The following ZNF469 variants were observed in gnomAD, a reference collection of about 807,000 sequenced individuals.
ZNF469 encodes zinc finger protein 469.
A neutral mutation model predicts 1.0 loss-of-function variants in ZNF469; 1 was observed. That is an observed-to-expected ratio of 1.00 (90% CI 0.35 to 4.73). ZNF469 has a LOEUF of 4.73. ZNF469 is among the 30% of genes most tolerant of loss of function. The probability of loss-of-function intolerance (pLI) is 0.16; values close to 1 mark genes in which losing one functional copy is unlikely to be tolerated. For synonymous variants in ZNF469, 2,703 were observed against 2,363.4 expected (o/e 1.14, Z -4.17); for missense variants, 6,100 against 5,356.3 (o/e 1.14, Z -4.33).
At chr16:88,171,140 G>A in the ZNF469 span, among the ~76,000 whole-genome samples, 1 of 152,354 alleles carries the variant, frequency 6.6e-6, no homozygotes, top group East Asian at 1.9e-4. Flanking sequence ...TAGCAAGGTA[G>A]GCATTTACCT....
At chr16:88,186,811 T>C in the ZNF469 span, among the ~76,000 whole-genome samples, 1 of 152,200 alleles carries the variant, frequency 6.6e-6, no homozygotes, top group Admixed American at 6.5e-5. Context: ...TCCAGGGTTC[T>C]GGCGGGGCGG....
At chr16:88,252,482 C>T in the ZNF469 span, among the ~76,000 whole-genome samples, 2 of 150,562 alleles carry the variant, frequency 1.3e-5, no homozygotes, top group African/African-American at 2.4e-5. Context: ...TGACAGTCAC[C>T]TCTCCTCTGG....
the ZNF469 span, among the ~76,000 whole-genome samples, chr16:88,103,568 T>TG: frequency 1.3e-5 from 2 of 152,154 alleles, no homozygotes; most frequent in East Asian, 1.9e-4. Context: ...CCTAATCCCT[T>TG]GGGGGGGATC....
Position 88,438,350 on chromosome 16 carries a change from C to T in ZNF469, c.10880C>T (p.Pro3627Leu), listed in dbSNP as rs770544807. The change falls in exon 3 of 3, where the codon CCG becomes CTG. Residue 3627 changes from proline (P) to leucine (L), a missense_variant. Transcript: ENST00000565624. ...GTGTTCTCAGGGAAACGCAGGGCCCCGGGTGCCCGTGGCAGGTGTGCCCCT... is the reference window on the plus strand; with the variant it reads ...GTGTTCTCAGGGAAACGCAGGGCCCTGGGTGCCCGTGGCAGGTGTGCCCCT... ...PLVFSGKRRA[P>L]GARGRCAPDH... is the part of the protein sequence containing the mutation. 25 of 1,550,068 alleles carry T rather than the reference C, an allele frequency of 1.6e-5. No individual in the cohort carries two copies. The highest frequency in any genetic ancestry group is 6.8e-5 in the African/African-American group (5 of 73,054).
chr16:88,366,049 A>G, the ZNF469 span, among the ~76,000 whole-genome samples: 2 of 152,176 alleles, frequency 1.3e-5, no homozygotes, highest in Admixed American at 6.5e-5. Context: ...GCCCTGGTAT[A>G]AAGTAAATGC....
chr16:88,272,157 G>C, the ZNF469 span, among the ~76,000 whole-genome samples: 1 of 134,556 alleles, frequency 7.4e-6, no homozygotes, highest in Admixed American at 7.7e-5. Flanking sequence ...TAGACGAGTG[G>C]GTGGGTAGAT....
At chr16:88,316,736 A>G in the ZNF469 span, among the ~76,000 whole-genome samples, 1 of 151,690 alleles carries the variant, frequency 6.6e-6, no homozygotes, top group African/African-American at 2.4e-5. Context: ...TAGTACAGAC[A>G]GGGTTTCACC....
chr16:88,430,097 C>T lies in ZNF469; in HGVS notation c.2627C>T (p.Pro876Leu). Residue 876 changes from proline to leucine, a missense_variant, in exon 3 of 3, where the codon CCC (proline) becomes CTC (leucine). Pro to Leu is a moderately conservative substitution (Grantham distance 98). Coordinates refer to ENST00000565624, the MANE Select transcript of ZNF469 (RefSeq NM_001367624.2). ...TTCGCGGACGAGGAGCCTTCCGGCCCCAGAGGTCCCAGCTCCGGACACCCC... is the reference window on the plus strand; with the variant it reads ...TTCGCGGACGAGGAGCCTTCCGGCCTCAGAGGTCCCAGCTCCGGACACCCC... ...DVFADEEPSG[P>L]RGPSSGHPLK... 6.5e-7 allele frequency: 1 copy of T among 1,542,412 alleles called. No individual in the cohort carries two copies. Among genetic ancestry groups the T allele is most frequent in the Non-Finnish European group, 8.7e-7 (1 of 1,146,918 alleles).
chr16:88,373,061 C>G, the ZNF469 span, among the ~76,000 whole-genome samples: 4 of 152,236 alleles, frequency 2.6e-5, no homozygotes, highest in Admixed American at 2.6e-4. Flanking sequence ...CTGACAGAAT[C>G]CCCTGGCTTG....
At chr16:88,379,488 G>T (rs1478437649), upstream of ZNF469, among the ~76,000 whole-genome samples, 1 of 152,088 alleles carries the variant, frequency 6.6e-6, no homozygotes, top group Non-Finnish European at 1.5e-5. Flanking sequence ...TATGAAGAGG[G>T]GGAAGAGGCG....
the ZNF469 span, among the ~76,000 whole-genome samples, chr16:88,236,731 G>T: frequency 6.6e-6 from 1 of 152,042 alleles, no homozygotes; most frequent in East Asian, 1.9e-4. Flanking sequence ...GCCGGGCGTG[G>T]TGGGGGGTGC....
At chr16:88,404,168 G>T (rs1904963135) in intron 1 of ZNF469, among the ~76,000 whole-genome samples, 1 of 134,974 alleles carries the variant, frequency 7.4e-6, no homozygotes. Context: ...CGAGAGACAT[G>T]TCACAGCCCC....
the ZNF469 span, among the ~76,000 whole-genome samples, chr16:88,182,785 G>C: frequency 6.6e-6 from 1 of 150,930 alleles, no homozygotes; most frequent in African/African-American, 2.4e-5. Flanking sequence ...ATTTAAAACC[G>C]TAAAACATCT....
At chr16:88,197,553 A>G in the ZNF469 span, among the ~76,000 whole-genome samples, 2 of 152,226 alleles carry the variant, frequency 1.3e-5, no homozygotes, top group African/African-American at 2.4e-5. Context: ...GCCCTTGCCC[A>G]TTGTATTAGT....
chr16:88,290,038 C>T, the ZNF469 span, among the ~76,000 whole-genome samples: 1 of 152,214 alleles, frequency 6.6e-6, no homozygotes, highest in Non-Finnish European at 1.5e-5. Context: ...TCCCAAGTCA[C>T]AACTGTGAGC....
chr16:88,301,040 G>A, the ZNF469 span, among the ~76,000 whole-genome samples: 1 of 152,032 alleles, frequency 6.6e-6, no homozygotes, highest in East Asian at 1.9e-4. Context: ...ACTCCAGCCT[G>A]GGCAACAGAG....
At chr16:88,404,382 G>A (rs925409177) in intron 1 of ZNF469, among the ~76,000 whole-genome samples, 2 of 152,244 alleles carry the variant, frequency 1.3e-5, no homozygotes, top group East Asian at 1.9e-4. Context: ...GGCGGTGCGT[G>A]TGCTGTTAGT....
the ZNF469 span, among the ~76,000 whole-genome samples, chr16:88,319,017 C>T: frequency 6.6e-6 from 1 of 152,142 alleles, no homozygotes; most frequent in South Asian, 2.1e-4. Context: ...CCAGGGCTTT[C>T]CTAGCAGGTC....
the ZNF469 span, among the ~76,000 whole-genome samples, chr16:88,188,485 G>A: frequency 3.3e-5 from 5 of 152,182 alleles, no homozygotes; most frequent in African/African-American, 1.2e-4. Context: ...ATGCAGGAAG[G>A]GCGAAGTGCA....
Sources: allele counts gnomAD v4.1 joint callset (sites outside exome capture counted in the v4.1 genomes callset), GRCh38; gene constraint gnomAD v4.1.1; transcripts MANE v1.5; gene names NCBI Gene and HGNC (gene_info 2026-07-23, HGNC 2026-07-21).